FAF1: variants seen among roughly 807,000 people sequenced by gnomAD.
FAF1 encodes the protein FAS-associated factor 1.
Under a neutral mutation model 92.5 loss-of-function variants are expected in FAF1, and 25 were observed. The observed-to-expected ratio is 0.27, with a 90% CI of 0.20 to 0.38. The LOEUF is 0.38. Among genes scored for constraint, FAF1 ranks in the 10% least tolerant of loss-of-function variants. FAF1 has a pLI of 1.00. For missense variants in FAF1, 636 were observed against 793.3 expected, an observed-to-expected ratio of 0.80 and a Z score of 2.38; for synonymous variants, 234 against 273.2, an observed-to-expected ratio of 0.86 and a Z score of 1.42.
intron 9 of FAF1, among the ~76,000 whole-genome samples, chr1:50,594,130 T>C (rs1439618863): frequency 1.3e-5 from 2 of 151,898 alleles, no homozygotes; most frequent in Non-Finnish European, 1.5e-5. Context: ...CTGGCCAACA[T>C]AGTGAAACCC....
At chr1:50,883,055 T>C (rs1443154268) in intron 1 of FAF1, among the ~76,000 whole-genome samples, 2 of 151,018 alleles carry the variant, frequency 1.3e-5, no homozygotes, top group African/African-American at 2.4e-5. Flanking sequence ...AAATCAGGAC[T>C]CATAAATGCC....
intron 1 of FAF1, among the ~76,000 whole-genome samples, chr1:50,937,815 C>T (rs920416818): frequency 6.6e-6 from 1 of 152,132 alleles, no homozygotes; most frequent in African/African-American, 2.4e-5. Context: ...CCCTATTCAC[C>T]TGTACCTAGT....
chr1:50,578,542 T>C (rs1324323188), intron 12 of FAF1, among the ~76,000 whole-genome samples: 3 of 152,166 alleles, frequency 2.0e-5, no homozygotes, highest in Non-Finnish European at 2.9e-5. Flanking sequence ...GTAAACCATA[T>C]TTACCTGTCA....
At chr1:50,767,091 G>A (rs1279742964) in intron 4 of FAF1, among the ~76,000 whole-genome samples, 1 of 152,172 alleles carries the variant, frequency 6.6e-6, no homozygotes, top group Non-Finnish European at 1.5e-5. Context: ...TGATTTGGGA[G>A]ATGAAAAATG....
intron 7 of FAF1, among the ~76,000 whole-genome samples, chr1:50,702,087 T>C (rs1162681455): frequency 6.6e-6 from 1 of 152,102 alleles, no homozygotes. Flanking sequence ...GAAAACAATA[T>C]TTTGCCTAAC....
At chr1:50,677,109 A>T (rs1295113777) in intron 7 of FAF1, among the ~76,000 whole-genome samples, 15 of 152,190 alleles carry the variant, frequency 9.9e-5, no homozygotes. Flanking sequence ...AGAAAGAATA[A>T]TATTATTAAG....
intron 2 of FAF1, among the ~76,000 whole-genome samples, chr1:50,815,688 C>G (rs534384846): frequency 6.6e-6 from 1 of 152,302 alleles, no homozygotes; most frequent in South Asian, 2.1e-4. Flanking sequence ...GTTTCCTTTT[C>G]CCTATAGCTT....
chr1:50,856,729 A>T (rs1189064672), intron 2 of FAF1, among the ~76,000 whole-genome samples: 1 of 151,800 alleles, frequency 6.6e-6, no homozygotes, highest in Non-Finnish European at 1.5e-5. Flanking sequence ...AAAATAGGTT[A>T]AATATGTAAC....
intron 2 of FAF1, among the ~76,000 whole-genome samples, chr1:50,822,774 C>CT (rs772097310): frequency 0.085 from 10,609 of 125,174 alleles, 715 homozygotes; most frequent in African/African-American, 0.17. Context: ...TTCTTTCTTT[C>CT]TTTTTTTTTT....
intron 7 of FAF1, among the ~76,000 whole-genome samples, chr1:50,676,429 G>A (rs540496133): frequency 2.0e-5 from 3 of 149,388 alleles, no homozygotes; most frequent in African/African-American, 7.4e-5. Context: ...AAGAAAGAAA[G>A]AAAATGAAAC....
chr1:50,861,359 G>C (rs1644430555), intron 1 of FAF1, among the ~76,000 whole-genome samples: 1 of 151,860 alleles, frequency 6.6e-6, no homozygotes, highest in Non-Finnish European at 1.5e-5. Context: ...ACTAGGACTA[G>C]ATGAGGTTAT....
At chr1:50,816,508 C>T (rs191365442) in intron 2 of FAF1, among the ~76,000 whole-genome samples, 36 of 152,182 alleles carry the variant, frequency 2.4e-4, no homozygotes, top group Admixed American at 1.0e-3. Context: ...CTGGCTTTTG[C>T]CCACTTTTTA....
intron 2 of FAF1, among the ~76,000 whole-genome samples, chr1:50,850,243 C>T (rs1644337083): frequency 6.6e-6 from 1 of 151,992 alleles, no homozygotes; most frequent in South Asian, 2.1e-4. Flanking sequence ...AGAATATAGG[C>T]TAACTAGCTG....
chr1:50,515,237 C>A (rs1476258281), intron 15 of FAF1, among the ~76,000 whole-genome samples: 1 of 152,064 alleles, frequency 6.6e-6, no homozygotes, highest in African/African-American at 2.4e-5. Flanking sequence ...TCCCACAATA[C>A]CACAATGGGG....
intron 15 of FAF1, among the ~76,000 whole-genome samples, chr1:50,493,470 TG>T (rs1397941772): frequency 3.9e-5 from 6 of 152,272 alleles, no homozygotes; most frequent in Non-Finnish European, 7.3e-5. Context: ...ATGCACAAGA[TG>T]TTTAAAATTT....
chr1:50,606,177 T>C (rs1314805322), intron 8 of FAF1, among the ~76,000 whole-genome samples: 2 of 152,214 alleles, frequency 1.3e-5, no homozygotes, highest in Admixed American at 6.5e-5. Flanking sequence ...AATGCCCAAT[T>C]ATTTTTAAGA....
chr1:50,479,068 T>G (rs554620865), intron 17 of FAF1, among the ~76,000 whole-genome samples: 8 of 152,316 alleles, frequency 5.3e-5, no homozygotes, highest in African/African-American at 1.9e-4. Context: ...TTTAATTAAA[T>G]GCAATGTTAT....
At chr1:50,707,566 G>A (rs554731769) in intron 6 of FAF1, among the ~76,000 whole-genome samples, 5 of 151,488 alleles carry the variant, frequency 3.3e-5, no homozygotes, top group Non-Finnish European at 4.4e-5. Context: ...GCTGGGCGTC[G>A]TGCTGGGCTC....
intron 13 of FAF1, among the ~76,000 whole-genome samples, chr1:50,554,048 C>G (rs1219631432): frequency 1.3e-5 from 2 of 151,652 alleles, no homozygotes; most frequent in Admixed American, 1.3e-4. Flanking sequence ...TAATCCCTAA[C>G]TCTAAGACTG....
Sources: allele counts gnomAD v4.1 joint callset (sites outside exome capture counted in the v4.1 genomes callset), GRCh38; gene constraint gnomAD v4.1.1; transcripts MANE v1.5; gene names NCBI Gene and HGNC (gene_info 2026-07-23, HGNC 2026-07-21).